Variants in ATP9B observed in about 807,000 individuals in gnomAD.
The protein encoded by ATP9B is ATPase phospholipid transporting 9B, also known as probable phospholipid-transporting ATPase IIB.
A neutral mutation model predicts 146.1 loss-of-function variants in ATP9B; 110 were observed. The observed-to-expected ratio is 0.75, with a 90% CI of 0.65 to 0.88. The LOEUF (loss-of-function observed/expected upper bound fraction) is 0.88. Ranked by LOEUF, ATP9B falls within the 40% of genes least tolerant of loss-of-function variation. The pLI is 0.00. For synonymous variants in ATP9B, 604 were observed against 569.7 expected, an observed-to-expected ratio of 1.06 and a Z score of -0.86; for missense variants, 1,499 against 1,496.4, an observed-to-expected ratio of 1.00 and a Z score of -0.03.
At chr18:79,331,581 C>G (rs2096790217) in intron 17 of ATP9B, among the ~76,000 whole-genome samples, 1 of 151,982 alleles carries the variant, frequency 6.6e-6, no homozygotes, top group African/African-American at 2.4e-5. Flanking sequence ...TGTGGTACTA[C>G]TATATTATGA....
At chr18:79,232,731 G>C (rs1243211508) in intron 11 of ATP9B, among the ~76,000 whole-genome samples, 1 of 152,182 alleles carries the variant, frequency 6.6e-6, no homozygotes, top group East Asian at 1.9e-4. Flanking sequence ...TGGAATAGAA[G>C]AAGTAGACAA....
Position 79,120,676 on chromosome 18 carries a change from C to T in ATP9B, c.559-5591C>T, listed in dbSNP as rs76638612. ...AATGTCATGCTTCTATCAAAATGAA[C>T]GAGATGGAATAGATCTGTCTATGCA... On this transcript the variant is annotated intron_variant, in intron 4 of 29. Transcript: ENST00000426216. 4.6e-4 allele frequency among the ~76,000 whole-genome samples: 70 copies of T among 152,176 alleles called. 1 individual carries two copies. In the East Asian group the frequency reaches 0.011, roughly 25 times the overall value.
intron 9 of ATP9B, among the ~76,000 whole-genome samples, chr18:79,201,816 C>A (rs1171335431): frequency 6.6e-6 from 1 of 152,154 alleles, no homozygotes; most frequent in Non-Finnish European, 1.5e-5. Context: ...ACCTCGGCCT[C>A]CCAAAGTGCT....
chr18:79,206,884 G>C (rs763393036), intron 9 of ATP9B, 53 bp from the exon 10 acceptor site: 127 of 1,547,508 alleles, frequency 8.2e-5, no homozygotes, highest in Non-Finnish European at 1.0e-4. Context: ...TATAAGGTGT[G>C]AATAATGAAC....
intron 6 of ATP9B, among the ~76,000 whole-genome samples, chr18:79,149,884 C>CG (rs565650977): frequency 4.5e-4 from 68 of 152,124 alleles, no homozygotes; most frequent in Admixed American, 2.4e-3. Context: ...AGATCAAGAC[C>CG]ATCTTCGCCA....
At chr18:79,253,234 C>T in intron 11 of ATP9B, 147 bp from the exon 12 acceptor site, 2 of 713,958 alleles carry the variant, frequency 2.8e-6, no homozygotes, top group Non-Finnish European at 4.4e-6. Context: ...AGAAATTCTG[C>T]CTGAATTTTC....
chr18:79,273,022 G>T (rs1343877445), intron 12 of ATP9B, among the ~76,000 whole-genome samples: 1 of 152,236 alleles, frequency 6.6e-6, no homozygotes, highest in Admixed American at 6.5e-5. Flanking sequence ...GGAAGGAAAA[G>T]GGAAATGGAT....
At chr18:79,303,518 G>A in intron 13 of ATP9B, 86 bp from the exon 14 acceptor site, 1 of 1,035,420 alleles carries the variant, frequency 9.7e-7, no homozygotes, top group Non-Finnish European at 1.5e-6. Flanking sequence ...GCCCATGAAT[G>A]TGCAGCATGC....
chr18:79,296,347 CTTAATAACACA>C (rs1420912818), intron 13 of ATP9B, among the ~76,000 whole-genome samples: 11 of 152,202 alleles, frequency 7.2e-5, no homozygotes, highest in Admixed American at 1.3e-4. Flanking sequence ...GAATTAATAA[CTTAATAACACA>C]TAGTTTCAAA....
chr18:79,130,454 C>G (rs778645712), intron 5 of ATP9B, among the ~76,000 whole-genome samples: 1 of 151,704 alleles, frequency 6.6e-6, no homozygotes, highest in Non-Finnish European at 1.5e-5. Context: ...CTTAAGAGAC[C>G]TGTGGGACAG....
At chr18:79,088,310 A>G (rs2074018228) in intron 1 of ATP9B, among the ~76,000 whole-genome samples, 1 of 152,250 alleles carries the variant, frequency 6.6e-6, no homozygotes, top group Admixed American at 6.5e-5. Context: ...TTAGGGTATT[A>G]TATTACAATA....
rs1445133670 is a variant in ATP9B, at chr18:79,313,031, G to A, written c.1773+5797G>A. ...CACTCTTCCCACTCCCTGTCAGCGC[G>A]CTGTTGGCTACACCTTTCTGTCAGT... On this transcript the variant is annotated intron_variant, in intron 15 of 29. Coordinates refer to ENST00000426216, the MANE Select transcript of ATP9B (RefSeq NM_198531.5). Among the ~76,000 whole-genome samples, 9 of 152,268 alleles carry A rather than the reference G, an allele frequency of 5.9e-5. No homozygotes were observed. The South Asian group carries it at 1.0e-3, about 18-fold the overall frequency.
Position 79,195,251 on chromosome 18 carries a change from A to G in ATP9B, c.954+1988A>G, listed in dbSNP as rs116178608. Among the ~76,000 whole-genome samples, 559 of 102,296 alleles carry G rather than the reference A, an allele frequency of 5.5e-3. 3 individuals carry two copies. The highest frequency in any genetic ancestry group is 0.033 in the South Asian group (115 of 3,496). 67.1% of individuals were successfully genotyped at this position (102,296 alleles called of 152,430 possible). ...TACAGATTCAAGAAAAATAGCTCTT[A>G]TTATTATGAATAGAAGAAACTCATC... is the stretch of plus-strand genomic sequence containing the variant. On this transcript the variant is annotated intron_variant, in intron 9 of 29. Transcript: ENST00000426216.
At chr18:79,366,755 GT>G (rs2097031966) in intron 26 of ATP9B, among the ~76,000 whole-genome samples, 1 of 152,188 alleles carries the variant, frequency 6.6e-6, no homozygotes, top group Non-Finnish European at 1.5e-5. Flanking sequence ...ACCCTGTGCC[GT>G]CCCCCACCAC....
intron 15 of ATP9B, among the ~76,000 whole-genome samples, chr18:79,307,886 T>G (rs992564980): frequency 1.3e-5 from 2 of 152,228 alleles, no homozygotes; most frequent in Non-Finnish European, 2.9e-5. Flanking sequence ...GAGGTAGTTC[T>G]GTAAAGTAAT....
chr18:79,075,943 C>T (rs868025110), intron 1 of ATP9B, among the ~76,000 whole-genome samples: 3 of 152,070 alleles, frequency 2.0e-5, no homozygotes, highest in Middle Eastern at 6.8e-3. Context: ...GTAGATATTA[C>T]TTAGTGCTAG....
chr18:79,107,846 T>C (rs999958081), intron 2 of ATP9B, among the ~76,000 whole-genome samples: 16 of 151,864 alleles, frequency 1.1e-4, no homozygotes, highest in Non-Finnish European at 1.8e-4. Flanking sequence ...TGGCGGGAGG[T>C]TGAGATCCAG....
At position 79,337,374 on chromosome 18, in the gene ATP9B, C is replaced by T. The variant is rs1275667931; in HGVS notation, c.2208C>T (p.Cys736=). The stretch of plus-strand genomic sequence containing the variant: ...TGGAGAGGGAGATGGAACTGCTGTG[C>T]CTCACCGGCGTGGAGGACCAGCTGC... ...ESLEREMELL[C]LTGVEDQLQA... Residue 736 remains cysteine (C), a synonymous_variant, in exon 19 of 30, where the codon TGC becomes TGT. Transcript: ENST00000426216. The T allele has an allele frequency of 6.2e-7, 1 of 1,614,056 alleles. No individual in the cohort carries two copies. Among genetic ancestry groups the T allele is most frequent in the Admixed American group, 1.7e-5 (1 of 60,020 alleles).
chr18:79,372,812 A>G lies in ATP9B; in HGVS notation c.3013-13A>G. On this transcript the variant is annotated splice_polypyrimidine_tract_variant and intron_variant, in intron 26 of 29. Coordinates refer to ENST00000426216, the MANE Select transcript of ATP9B (RefSeq NM_198531.5). The stretch of plus-strand genomic sequence containing the variant: ...TTCTGCGCACTAACGACGCTCTTCC[A>G]CTGTTTCCCTAGGGAAGATCCTTGT... 1 of 1,593,994 alleles carries G rather than the reference A, an allele frequency of 6.3e-7. No individual in the cohort carries two copies. The highest frequency in any genetic ancestry group is 1.3e-5 in the African/African-American group (1 of 74,636).
Sources: gnomAD v4.1 joint callset for allele counts (sites outside exome capture counted in the v4.1 genomes callset) on GRCh38, gnomAD v4.1.1 for gene constraint, MANE v1.5 for transcripts, NCBI Gene and HGNC (gene_info 2026-07-23, HGNC 2026-07-21) for gene names.